The following WDR76 variants were observed in gnomAD, a reference collection of about 807,000 sequenced individuals.
The protein encoded by WDR76 is WD repeat-containing protein 76.
In WDR76, 52 loss-of-function variants were observed where a neutral mutation model predicts 70.2. That is an observed-to-expected ratio of 0.74 (90% CI 0.59 to 0.93). WDR76 has a LOEUF of 0.93. Ranked by LOEUF, WDR76 falls within the 40% of genes least tolerant of loss-of-function variation. The pLI is 0.00. For missense variants in WDR76, 756 were observed against 760.2 expected (o/e 0.99, Z 0.07); for synonymous variants, 292 against 271.1 (o/e 1.08, Z -0.76).
intron 10 of WDR76, 88 bp downstream of exon 10, chr15:43,857,251 A>G (rs538639652): frequency 1.2e-5 from 15 of 1,288,138 alleles, no homozygotes; most frequent in African/African-American, 4.5e-5. Context: ...TTGTAATACA[A>G]TATTACAAAA....
At chr15:43,831,880 C>CTGGA (rs1269203122) in intron 2 of WDR76, among the ~76,000 whole-genome samples, 1 of 150,828 alleles carries the variant, frequency 6.6e-6, no homozygotes, top group African/African-American at 2.4e-5. Context: ...GTCGCCCAGG[C>CTGGA]TGGAATGTAG....
chr15:43,838,739 G>A (rs1245961266), intron 4 of WDR76, among the ~76,000 whole-genome samples: 1 of 151,968 alleles, frequency 6.6e-6, no homozygotes, highest in Non-Finnish European at 1.5e-5. Flanking sequence ...ATGAACAATT[G>A]AGTTGTTATT....
chr15:43,848,720 C>T (rs1176185835), intron 8 of WDR76, among the ~76,000 whole-genome samples: 2 of 152,102 alleles, frequency 1.3e-5, no homozygotes, highest in Non-Finnish European at 2.9e-5. Context: ...GCAGGTGAAT[C>T]ACCTGAGGTC....
intron 4 of WDR76, among the ~76,000 whole-genome samples, chr15:43,837,154 T>TCAAATTCAAATATGTAA (rs2087667557): frequency 2.6e-5 from 4 of 152,134 alleles, no homozygotes; most frequent in Non-Finnish European, 5.9e-5. Flanking sequence ...TTATCTCCAT[T>TCAAATTCAAATATGTAA]GCATTTTAGC....
intron 12 of WDR76, 78 bp downstream of exon 12, chr15:43,861,464 A>T: frequency 1.5e-6 from 2 of 1,306,400 alleles, no homozygotes; most frequent in Non-Finnish European, 2.2e-6. Context: ...TAGACATCTG[A>T]TTGTCAAAGA....
chr15:43,836,265 GT>G (rs1567183405), intron 4 of WDR76, 49 bp downstream of exon 4: 3 of 1,557,172 alleles, frequency 1.9e-6, no homozygotes, highest in Admixed American at 3.8e-5. Flanking sequence ...TTGCTCAACT[GT>G]TTTATAATTT....
At chr15:43,836,139 A>G in intron 3 of WDR76, 22 bp from the exon 4 acceptor site, 2 of 1,595,724 alleles carry the variant, frequency 1.3e-6, no homozygotes, top group Non-Finnish European at 1.7e-6. Flanking sequence ...TAACATTTTT[A>G]CATGATTTTT....
chr15:43,864,040 A>T (rs1446162584), intron 12 of WDR76: 1 of 152,218 alleles, frequency 6.6e-6, no homozygotes, highest in African/African-American at 2.4e-5. Context: ...GAGTGAGGTC[A>T]TGTGGTATAT....
chr15:43,829,499 C>CTTTT (rs34835269), intron 2 of WDR76, among the ~76,000 whole-genome samples: 2 of 57,966 alleles, frequency 3.5e-5, no homozygotes, highest in African/African-American at 1.1e-4. Context: ...AGCATGGCCA[C>CTTTT]TTTTTTTTTT....
intron 9 of WDR76, among the ~76,000 whole-genome samples, chr15:43,856,461 G>A (rs2087928169): frequency 6.6e-6 from 1 of 152,092 alleles, no homozygotes; most frequent in Non-Finnish European, 1.5e-5. Flanking sequence ...GTTCTTTTCT[G>A]TTAAGTTTCA....
intron 10 of WDR76, among the ~76,000 whole-genome samples, chr15:43,857,818 T>TC (rs1168924804): frequency 1.2e-5 from 1 of 83,864 alleles, no homozygotes. Flanking sequence ...GACTCTTGTC[T>TC]CCAAAAAAAA....
In WDR76 at chr15:43,867,498, T is replaced by C. The variant is rs566644593; in HGVS notation, c.*1106T>C. On this transcript the variant is annotated 3_prime_UTR_variant, in exon 13 of 13. Transcript: ENST00000263795. Reference sequence around the variant, plus strand: ...TTGAGTAAGTATTGTTTGGTAAAACTTAGTTACATATGCATATATATTTGT... The same window carrying C: ...TTGAGTAAGTATTGTTTGGTAAAACCTAGTTACATATGCATATATATTTGT... 3.8e-3 allele frequency: 583 copies of C among 152,162 alleles called. 5 individuals are homozygous for C. The highest frequency in any genetic ancestry group is 0.013 in the African/African-American group (551 of 41,496). 9.4% of individuals were successfully genotyped at this position (152,162 alleles called of 1,614,324 possible).
intron 1 of WDR76, 71 bp from the exon 2 acceptor site, chr15:43,827,894 T>C: frequency 7.0e-7 from 1 of 1,419,586 alleles, no homozygotes; most frequent in Non-Finnish European, 9.4e-7. Flanking sequence ...TTAGATCTGT[T>C]AGGGATCCTG....
chr15:43,839,694 C>T lies in WDR76; in HGVS notation c.698C>T (p.Ala233Val), dbSNP rs1274067345. 2 of 1,611,200 alleles carry T rather than the reference C, an allele frequency of 1.2e-6. No individual in the cohort carries two copies. The highest frequency in any genetic ancestry group is 1.7e-6 in the Non-Finnish European group (2 of 1,178,252). ...CCTTCGGGAGTTTCATTACCAGCAG[C>T]TCCAACACCGCCGACATTAGTAGCA... ...VDPSGVSLPA[A>V]PTPPTLVADE... is the part of the protein sequence containing the mutation. Residue 233 changes from alanine to valine, a missense_variant, in exon 5 of 13, where the codon GCT (alanine) becomes GTT (valine). Ala to Val is a moderately conservative substitution (Grantham distance 64, BLOSUM62 0). Coordinates refer to ENST00000263795, the MANE Select transcript of WDR76 (RefSeq NM_024908.4).
intron 8 of WDR76, among the ~76,000 whole-genome samples, chr15:43,844,340 G>A (rs2087760619): frequency 3.9e-5 from 6 of 152,128 alleles, no homozygotes; most frequent in Non-Finnish European, 1.5e-5. Context: ...TAAAGTGGCC[G>A]GGTGCGGTGG....
chr15:43,852,132 G>T (rs1432452510), intron 9 of WDR76, among the ~76,000 whole-genome samples: 3 of 152,264 alleles, frequency 2.0e-5, no homozygotes, highest in African/African-American at 7.2e-5. Context: ...TTTCAGATTT[G>T]CTTAACTGTA....
At chr15:43,852,925 G>A (rs114216413) in intron 9 of WDR76, among the ~76,000 whole-genome samples, 1 of 152,112 alleles carries the variant, frequency 6.6e-6, no homozygotes, top group African/African-American at 2.4e-5. Context: ...TCTCGCTCTT[G>A]TTGCCCAGGC....
intron 8 of WDR76, among the ~76,000 whole-genome samples, chr15:43,845,975 G>A (rs921599859): frequency 6.7e-6 from 1 of 150,072 alleles, no homozygotes; most frequent in African/African-American, 2.4e-5. Context: ...CCCTTATTTT[G>A]ATAAGATGTG....
chr15:43,831,729 C>CGCG (rs1567181673), intron 2 of WDR76, among the ~76,000 whole-genome samples: 1 of 151,790 alleles, frequency 6.6e-6, no homozygotes, highest in African/African-American at 2.4e-5. Flanking sequence ...CGTGAGCCAC[C>CGCG]GCGCATGCCA....
Sources: gnomAD v4.1 joint callset for allele counts (sites outside exome capture counted in the v4.1 genomes callset) on GRCh38, gnomAD v4.1.1 for gene constraint, MANE v1.5 for transcripts, NCBI Gene and HGNC (gene_info 2026-07-23, HGNC 2026-07-21) for gene names.